The following SRGAP3 variants were observed in gnomAD, a reference collection of about 807,000 sequenced individuals.
SRGAP3 encodes the protein SLIT-ROBO Rho GTPase activating protein 3.
SRGAP3 carries 39 observed loss-of-function variants against 121.1 expected under a neutral mutation model. The observed-to-expected ratio is 0.32, with a 90% CI of 0.25 to 0.42. The LOEUF (loss-of-function observed/expected upper bound fraction) is 0.42, where lower values mean the gene tolerates loss of function less well. Among genes scored for constraint, SRGAP3 ranks in the 10% least tolerant of loss-of-function variants. The pLI is 1.00. For synonymous variants in SRGAP3, 601 were observed against 570.0 expected (o/e 1.05, Z -0.77); for missense variants, 1,213 against 1,470.6 (o/e 0.82, Z 2.86).
chr3:9,015,961 C>T (rs1943617241), intron 14 of SRGAP3: 3 of 561,578 alleles, frequency 5.3e-6, no homozygotes, highest in Non-Finnish European at 9.5e-6. Flanking sequence ...AATGAACGCC[C>T]ATCACCCTTC....
At chr3:9,320,748 C>G (rs1203350974) in intron 3 of SRGAP3, among the ~76,000 whole-genome samples, 1 of 151,824 alleles carries the variant, frequency 6.6e-6, no homozygotes, top group Non-Finnish European at 1.5e-5. Flanking sequence ...CTCCTTGAGG[C>G]CCTGGATCCA....
chr3:9,346,412 T>C (rs1032195961), intron 1 of SRGAP3, among the ~76,000 whole-genome samples: 2 of 152,132 alleles, frequency 1.3e-5, no homozygotes, highest in African/African-American at 4.8e-5. Context: ...CAGACTTGTT[T>C]TTCTATTTTT....
intron 10 of SRGAP3, among the ~76,000 whole-genome samples, chr3:9,041,145 G>A (rs1056273654): frequency 1.3e-5 from 2 of 152,242 alleles, no homozygotes; most frequent in African/African-American, 4.8e-5. Context: ...TGTCATTCCT[G>A]TCACAACAGA....
chr3:9,116,463 C>T (rs1390322044), intron 2 of SRGAP3, among the ~76,000 whole-genome samples: 7 of 152,132 alleles, frequency 4.6e-5, no homozygotes, highest in South Asian at 2.1e-4. Flanking sequence ...GTGAGAGAAC[C>T]AGATATAGGA....
In SRGAP3 at chr3:8,985,735, G is replaced by A. The variant is rs776007028; in HGVS notation, c.3084C>T (p.Ser1028=). The change falls in exon 22 of 22, where the codon AGC becomes AGT. Residue 1028 remains serine (S), a synonymous_variant. Transcript: ENST00000383836. The surrounding 1 kb of genome is among the most constrained non-coding windows in gnomAD (Gnocchi z 5.1). ...TCATCATCTCGGTGGAGGAGCTGCT[G>A]CTGCGGCGCATGGCGGCATCGGGGT... The part of the protein sequence containing the change: ...IRDPDAAMRR[S]SSSSTEMMTT... 3.6e-5 allele frequency: 58 copies of A among 1,597,382 alleles called. No individual in the cohort carries two copies. The highest frequency in any genetic ancestry group is 4.8e-5 in the Non-Finnish European group (57 of 1,179,230).
At chr3:9,251,505 C>T (rs999900903), upstream of SRGAP3, among the ~76,000 whole-genome samples, 3 of 152,178 alleles carry the variant, frequency 2.0e-5, no homozygotes, top group Non-Finnish European at 4.4e-5. Context: ...AAGTTAAAAC[C>T]ATACACCTTG....
At chr3:9,092,427 C>T (rs1330501276) in intron 3 of SRGAP3, among the ~76,000 whole-genome samples, 3 of 152,108 alleles carry the variant, frequency 2.0e-5, no homozygotes, top group Non-Finnish European at 4.4e-5. Context: ...TGTCTTAGCA[C>T]GTGCCAAGCA....
At chr3:9,036,099 G>A (rs974119930) in intron 11 of SRGAP3, 4 of 152,150 alleles carry the variant, frequency 2.6e-5, no homozygotes, top group African/African-American at 9.7e-5. Context: ...TGAATTACAG[G>A]GTTATTATGA....
intron 1 of SRGAP3, among the ~76,000 whole-genome samples, chr3:9,360,874 T>C (rs918419381): frequency 5.3e-5 from 8 of 152,222 alleles, no homozygotes; most frequent in African/African-American, 1.7e-4. Flanking sequence ...TACCAGGGCA[T>C]ATATCATTTT....
At chr3:9,190,530 G>C (rs1951718113) in intron 1 of SRGAP3, among the ~76,000 whole-genome samples, 1 of 152,206 alleles carries the variant, frequency 6.6e-6, no homozygotes, top group Non-Finnish European at 1.5e-5. Flanking sequence ...CTCGGGGCTT[G>C]CTGTTTCAGA....
intron 3 of SRGAP3, among the ~76,000 whole-genome samples, chr3:9,087,654 G>T (rs1453471571): frequency 2.0e-5 from 3 of 152,188 alleles, no homozygotes; most frequent in Admixed American, 2.0e-4. Context: ...CTCGGCCACA[G>T]GTGAGCAGGA....
intron 3 of SRGAP3, among the ~76,000 whole-genome samples, chr3:9,267,344 A>C (rs1954385777): frequency 6.6e-6 from 1 of 152,214 alleles, no homozygotes; most frequent in African/African-American, 2.4e-5. Context: ...TGGGATAAAA[A>C]CCAGAAATGA....
chr3:9,309,419 C>T (rs190007665), intron 3 of SRGAP3, among the ~76,000 whole-genome samples: 1 of 152,272 alleles, frequency 6.6e-6, no homozygotes, highest in Admixed American at 6.5e-5. Context: ...ACAATAATAC[C>T]CCTTCCTGCT....
At chr3:9,137,769 T>C (rs1188756283) in intron 1 of SRGAP3, among the ~76,000 whole-genome samples, 2 of 152,164 alleles carry the variant, frequency 1.3e-5, no homozygotes, top group Admixed American at 1.3e-4. Flanking sequence ...GGTTTTCCCA[T>C]AGCATCTGTG....
intron 3 of SRGAP3, among the ~76,000 whole-genome samples, chr3:9,273,292 G>C (rs554642000): frequency 1.2e-3 from 176 of 152,276 alleles, no homozygotes; most frequent in Non-Finnish European, 1.9e-3. Flanking sequence ...GTTCCTAACA[G>C]GGGTTAGAGA....
At chr3:9,003,888 C>G (rs1197148965) in intron 18 of SRGAP3, among the ~76,000 whole-genome samples, 1 of 152,132 alleles carries the variant, frequency 6.6e-6, no homozygotes, top group African/African-American at 2.4e-5. Flanking sequence ...ACTGGAGATT[C>G]TAGCTGGGCC....
chr3:9,261,826 T>C (rs1954260664), intron 3 of SRGAP3, among the ~76,000 whole-genome samples: 1 of 146,378 alleles, frequency 6.8e-6, no homozygotes, highest in East Asian at 2.0e-4. Flanking sequence ...CAGGTCAACA[T>C]TCAAATTCAG....
chr3:9,172,544 C>A (rs902759475), intron 1 of SRGAP3, among the ~76,000 whole-genome samples: 3 of 152,224 alleles, frequency 2.0e-5, no homozygotes, highest in African/African-American at 7.2e-5. Context: ...TCCCCCAAAC[C>A]TCTCAGGTGC....
intron 1 of SRGAP3, among the ~76,000 whole-genome samples, chr3:9,242,387 C>A (rs1209956663): frequency 1.3e-5 from 2 of 152,226 alleles, no homozygotes; most frequent in Non-Finnish European, 2.9e-5. Flanking sequence ...GAAATCCCAG[C>A]ATTTTGGGAG....
Sources: gnomAD v4.1 joint callset for allele counts (sites outside exome capture counted in the v4.1 genomes callset) on GRCh38, gnomAD v4.1.1 for gene constraint, Gnocchi (gnomAD v3.1) non-coding constraint, MANE v1.5 for transcripts, NCBI Gene and HGNC (gene_info 2026-07-23, HGNC 2026-07-21) for gene names.